The following IL1RAPL2 variants were observed in gnomAD, a reference collection of about 807,000 sequenced individuals.
The protein encoded by IL1RAPL2 is X-linked interleukin-1 receptor accessory protein-like 2.
Under a neutral mutation model 44.1 loss-of-function variants are expected in IL1RAPL2, and 3 were observed. The ratio of observed to expected loss-of-function variants is 0.07; its 90% CI spans 0.03 to 0.18. The LOEUF is 0.18. Ranked by LOEUF, IL1RAPL2 falls within the 10% of genes least tolerant of loss-of-function variation. The pLI, the probability that IL1RAPL2 is intolerant of heterozygous loss-of-function variation, is 1.00. For synonymous variants in IL1RAPL2, 181 were observed against 178.8 expected, an observed-to-expected ratio of 1.01 and a Z score of -0.10; for missense variants, 391 against 496.4, an observed-to-expected ratio of 0.79 and a Z score of 2.02.
intron 2 of IL1RAPL2, among the ~76,000 whole-genome samples, chrX:105,028,644 A>C (rs2031420386): frequency 9.0e-6 from 1 of 111,003 alleles, no homozygotes; most frequent in Admixed American, 9.7e-5. Flanking sequence ...GTCAGTGTAG[A>C]GAAAGAACTT....
chrX:105,637,063 A>C (rs1047494008), intron 6 of IL1RAPL2, among the ~76,000 whole-genome samples: 5 of 111,318 alleles, frequency 4.5e-5, no homozygotes, highest in Non-Finnish European at 9.4e-5. Flanking sequence ...TATAGGTTCC[A>C]GATTACAATC....
At chrX:105,048,499 T>C (rs2031872371) in intron 2 of IL1RAPL2, among the ~76,000 whole-genome samples, 1 of 112,056 alleles carries the variant, frequency 8.9e-6, no homozygotes, top group Admixed American at 9.5e-5. Flanking sequence ...ATAACCATTT[T>C]ACCAACTAAT....
chrX:104,843,229 C>A lies in IL1RAPL2; in HGVS notation c.82+184234C>A, dbSNP rs1457713714. On this transcript the variant is annotated intron_variant, in intron 2 of 10. Transcript: ENST00000372582. ...TCCGGGGAAAACCACTTACTAAAGT[C>A]TCAGTAATGGTGGATGCCCTTCACC... Among the ~76,000 whole-genome samples the A allele has an allele frequency of 2.7e-5, 3 of 111,787 alleles. No homozygotes were observed. The Admixed American group carries it at 2.8e-4, about 11-fold the overall frequency.
chrX:105,469,523 G>T (rs1390305428), intron 5 of IL1RAPL2, among the ~76,000 whole-genome samples: 1 of 109,946 alleles, frequency 9.1e-6, no homozygotes, highest in Non-Finnish European at 1.9e-5. Flanking sequence ...ATGTCAAGAG[G>T]CAGTGAGCCT....
At chrX:105,527,899 C>T (rs2036605584) in intron 6 of IL1RAPL2, among the ~76,000 whole-genome samples, 1 of 111,670 alleles carries the variant, frequency 9.0e-6, no homozygotes, top group South Asian at 3.7e-4. Flanking sequence ...AACAAGAACT[C>T]CTACCACTGA....
At chrX:105,286,779 C>T (rs1641875319) in intron 5 of IL1RAPL2, among the ~76,000 whole-genome samples, 1 of 111,438 alleles carries the variant, frequency 9.0e-6, no homozygotes. Context: ...TCCATCAGGA[C>T]AGGAATCATA....
chrX:105,408,287 A>C (rs1028048363), intron 5 of IL1RAPL2, among the ~76,000 whole-genome samples: 1 of 111,578 alleles, frequency 9.0e-6, no homozygotes, highest in Non-Finnish European at 1.9e-5. Flanking sequence ...TTGAGTCATT[A>C]TCTCTCTGCA....
At chrX:105,214,358 T>TA (rs201596572) in intron 3 of IL1RAPL2, among the ~76,000 whole-genome samples, 72 of 87,084 alleles carry the variant, frequency 8.3e-4, no homozygotes, top group Middle Eastern at 5.8e-3. Flanking sequence ...CCAACAAAGA[T>TA]AAAAAAAAAA....
At chrX:104,669,636 G>T (rs1244174277) in intron 2 of IL1RAPL2, among the ~76,000 whole-genome samples, 2 of 111,338 alleles carry the variant, frequency 1.8e-5, no homozygotes, top group African/African-American at 6.5e-5. Context: ...CTGGGGCCTC[G>T]GAATCTGTTG....
chrX:104,997,987 A>G (rs2147734905), intron 2 of IL1RAPL2, among the ~76,000 whole-genome samples: 1 of 111,422 alleles, frequency 9.0e-6, no homozygotes, highest in East Asian at 2.9e-4. Context: ...CTAAGCATGT[A>G]GCTATAAACA....
At chrX:105,617,080 T>C (rs2037382973) in intron 6 of IL1RAPL2, among the ~76,000 whole-genome samples, 1 of 110,507 alleles carries the variant, frequency 9.0e-6, no homozygotes, top group South Asian at 3.9e-4. Context: ...ATACATACAA[T>C]ACTTAATGAT....
chrX:104,856,615 C>A (rs929627708), intron 2 of IL1RAPL2, among the ~76,000 whole-genome samples: 2 of 111,704 alleles, frequency 1.8e-5, no homozygotes, highest in African/African-American at 6.5e-5. Flanking sequence ...GGAACAATTT[C>A]TTATACCTCT....
intron 6 of IL1RAPL2, among the ~76,000 whole-genome samples, chrX:105,640,654 G>GTGTATATA (rs1446182577): frequency 6.7e-5 from 4 of 59,475 alleles, no homozygotes; most frequent in South Asian, 1.2e-3. Context: ...GTATGTGTGT[G>GTGTATATA]TATATATATA....
intron 6 of IL1RAPL2, among the ~76,000 whole-genome samples, chrX:105,678,096 GA>G (rs1453984854): frequency 1.8e-5 from 2 of 111,723 alleles, no homozygotes; most frequent in African/African-American, 3.3e-5. Context: ...AATGTATAGA[GA>G]ATAGAGGTGA....
chrX:105,353,207 T>C (rs1460667920), intron 5 of IL1RAPL2, among the ~76,000 whole-genome samples: 1 of 111,827 alleles, frequency 8.9e-6, no homozygotes, highest in Non-Finnish European at 1.9e-5. Context: ...CCATTTCTTG[T>C]TTTTGTCAGG....
chrX:105,498,601 AC>A (rs1336465319), intron 6 of IL1RAPL2, among the ~76,000 whole-genome samples: 1 of 111,851 alleles, frequency 8.9e-6, no homozygotes, highest in Non-Finnish European at 1.9e-5. Flanking sequence ...TAAAGAAAGA[AC>A]AACAAAGCTG....
intron 1 of IL1RAPL2, among the ~76,000 whole-genome samples, chrX:104,611,256 A>G (rs1304037823): frequency 2.7e-5 from 3 of 111,434 alleles, no homozygotes; most frequent in Middle Eastern, 4.6e-3. Flanking sequence ...AGCTGTGCCC[A>G]CAGAGCACCT....
At chrX:104,964,346 C>G (rs955618999) in intron 2 of IL1RAPL2, among the ~76,000 whole-genome samples, 4 of 108,706 alleles carry the variant, frequency 3.7e-5, no homozygotes, top group Non-Finnish European at 7.6e-5. Flanking sequence ...GAGTCTCGCT[C>G]TATTGCTCAG....
intron 6 of IL1RAPL2, among the ~76,000 whole-genome samples, chrX:105,547,226 G>A (rs2036809439): frequency 8.9e-6 from 1 of 112,091 alleles, no homozygotes; most frequent in African/African-American, 3.2e-5. Context: ...TCTTTAATTC[G>A]GAAATGTATA....
Sources: gnomAD v4.1 joint callset for allele counts (sites outside exome capture counted in the v4.1 genomes callset) on GRCh38, gnomAD v4.1.1 for gene constraint, MANE v1.5 for transcripts, NCBI Gene and HGNC (gene_info 2026-07-23, HGNC 2026-07-21) for gene names.